Variants in GNA14 observed in about 807,000 individuals in gnomAD.
GNA14 encodes G protein subunit alpha 14.
GNA14 carries 50 observed loss-of-function variants against 42.0 expected under a neutral mutation model. The observed-to-expected ratio is 1.19, with a 90% CI of 0.95 to 1.51. The LOEUF (loss-of-function observed/expected upper bound fraction) is 1.51. GNA14 is among the 40% of genes most tolerant of loss of function. GNA14 has a pLI of 0.00. For missense variants in GNA14, 473 were observed against 446.2 expected (o/e 1.06, Z -0.54); for synonymous variants, 173 against 163.1 (o/e 1.06, Z -0.46).
chr9:77,595,948 C>T (rs534844809), intron 1 of GNA14, among the ~76,000 whole-genome samples: 1 of 152,014 alleles, frequency 6.6e-6, no homozygotes, highest in Admixed American at 6.5e-5. Context: ...CTACATTTGT[C>T]TCCCAGGATA....
At chr9:77,489,071 CAG>C (rs1391185725) in intron 2 of GNA14, among the ~76,000 whole-genome samples, 4 of 151,894 alleles carry the variant, frequency 2.6e-5, no homozygotes, top group Non-Finnish European at 5.9e-5. Flanking sequence ...AAATTGAACA[CAG>C]AGATTAAAAT....
At chr9:77,461,605 G>A (rs994384684) in intron 2 of GNA14, among the ~76,000 whole-genome samples, 8 of 152,072 alleles carry the variant, frequency 5.3e-5, no homozygotes, top group Non-Finnish European at 1.2e-4. Context: ...CCTATACCAT[G>A]ATCCTATATC....
chr9:77,486,030 G>A (rs1021993127), intron 2 of GNA14, among the ~76,000 whole-genome samples: 2 of 152,152 alleles, frequency 1.3e-5, no homozygotes, highest in African/African-American at 4.8e-5. Flanking sequence ...GTCCTTTGAA[G>A]CACTGAACCC....
chr9:77,602,304 C>T (rs1823579563), intron 1 of GNA14, among the ~76,000 whole-genome samples: 1 of 152,180 alleles, frequency 6.6e-6, no homozygotes, highest in Admixed American at 6.5e-5. Flanking sequence ...TCTGAAACTC[C>T]TCCACACTAT....
At chr9:77,452,549 A>AGTGTGT (rs200313599) in intron 2 of GNA14, among the ~76,000 whole-genome samples, 133 of 55,206 alleles carry the variant, frequency 2.4e-3, no homozygotes, top group Middle Eastern at 0.014. Flanking sequence ...ACTGCACACA[A>AGTGTGT]GTGTGTGTGT....
At chr9:77,610,783 G>A (rs1823717706) in intron 1 of GNA14, among the ~76,000 whole-genome samples, 1 of 152,062 alleles carries the variant, frequency 6.6e-6, no homozygotes, top group Admixed American at 6.6e-5. Flanking sequence ...AGAAGAACAA[G>A]AATCACCTAT....
chr9:77,614,976 G>C (rs1194739048), intron 1 of GNA14, among the ~76,000 whole-genome samples: 1 of 152,146 alleles, frequency 6.6e-6, no homozygotes, highest in Non-Finnish European at 1.5e-5. Flanking sequence ...CCTCCTAAAG[G>C]GTTATGAACT....
In GNA14 at chr9:77,598,569, C is replaced by G. The variant is rs539671615; in HGVS notation, c.124+49101G>C. Among the ~76,000 whole-genome samples, 7 of 152,258 alleles carry G rather than the reference C, an allele frequency of 4.6e-5. 1 individual carries two copies. The South Asian group carries it at 1.5e-3, about 32-fold the overall frequency. On this transcript the variant is annotated intron_variant, in intron 1 of 6. Coordinates refer to ENST00000341700, the MANE Select transcript of GNA14 (RefSeq NM_004297.4). The stretch of plus-strand genomic sequence containing the variant: ...CTGCTCATGAACACATCAGAGAAAA[C>G]ATAAGACGCAACTTTCCCTCAAATC...
rs986416221 is a variant in GNA14 at position 77,519,384 on chromosome 9, C to T, written c.309+9685G>A. 9.9e-5 allele frequency among the ~76,000 whole-genome samples: 15 copies of T among 152,056 alleles called. No individual in the cohort carries two copies. The East Asian group carries it at 1.2e-3, about 12-fold the overall frequency. On this transcript the variant is annotated intron_variant, in intron 2 of 6. Coordinates refer to ENST00000341700, the MANE Select transcript of GNA14 (RefSeq NM_004297.4). ...CGAGATTGCGCCACTACACTCCAGC[C>T]TGGGTGACACGGCGAGACTCTGCCT...
chr9:77,606,448 A>G (rs1298137675), intron 1 of GNA14, among the ~76,000 whole-genome samples: 1 of 152,122 alleles, frequency 6.6e-6, no homozygotes, highest in Non-Finnish European at 1.5e-5. Context: ...CCAGAATCTC[A>G]CCCTCTTGGA....
intron 1 of GNA14, among the ~76,000 whole-genome samples, chr9:77,647,414 G>A (rs145126896): frequency 4.6e-5 from 7 of 152,312 alleles, no homozygotes; most frequent in Non-Finnish European, 1.0e-4. Flanking sequence ...CAGCGGTCAA[G>A]AGGTTAAGTG....
intron 1 of GNA14, among the ~76,000 whole-genome samples, chr9:77,531,762 A>G (rs924261593): frequency 3.9e-5 from 6 of 152,214 alleles, no homozygotes; most frequent in African/African-American, 1.4e-4. Context: ...CAATGTTATT[A>G]ATAGTTAAAG....
intron 2 of GNA14, among the ~76,000 whole-genome samples, chr9:77,516,074 G>T (rs543934738): frequency 1.0e-3 from 152 of 150,392 alleles, no homozygotes; most frequent in African/African-American, 3.6e-3. Context: ...TGACCCGCAA[G>T]CAGAGAGTCA....
intron 1 of GNA14, among the ~76,000 whole-genome samples, chr9:77,642,872 T>C (rs142464765): frequency 1.3e-5 from 2 of 152,276 alleles, no homozygotes; most frequent in African/African-American, 4.8e-5. Context: ...CCATTTACTG[T>C]CCTCAGAAAT....
chr9:77,503,087 C>T (rs1028763042), intron 2 of GNA14, among the ~76,000 whole-genome samples: 2 of 152,134 alleles, frequency 1.3e-5, no homozygotes, highest in African/African-American at 2.4e-5. Context: ...TTCTTTCCAC[C>T]CTTCAGAGTC....
At chr9:77,433,838 C>T (rs188669636) in intron 3 of GNA14, among the ~76,000 whole-genome samples, 5 of 152,284 alleles carry the variant, frequency 3.3e-5, no homozygotes, top group East Asian at 1.9e-4. Flanking sequence ...GTGTGTGCTG[C>T]GAGCGCAGCC....
chr9:77,521,343 G>A lies in GNA14; in HGVS notation c.309+7726C>T, dbSNP rs1011871566. ...TTGGCCTCTGTGTTCCCAAAGGTTC[G>A]TGCAGAATCTGAATTTTTCAAATTG... is the stretch of plus-strand genomic sequence containing the variant. On this transcript the variant is annotated intron_variant, in intron 2 of 6. Transcript: ENST00000341700. Among the ~76,000 whole-genome samples, 4 of 152,126 alleles carry A rather than the reference G, an allele frequency of 2.6e-5. No homozygotes were observed. In the East Asian group the frequency reaches 7.7e-4, roughly 29 times the overall value.
At chr9:77,546,592 C>G (rs1837723226) in intron 1 of GNA14, among the ~76,000 whole-genome samples, 1 of 152,132 alleles carries the variant, frequency 6.6e-6, no homozygotes, top group South Asian at 2.1e-4. Flanking sequence ...AAAGGTCAAT[C>G]CCCCAGATTT....
intron 2 of GNA14, among the ~76,000 whole-genome samples, chr9:77,511,067 A>C (rs11145451): frequency 0.2 from 29,576 of 151,316 alleles, 3,129 homozygotes; most frequent in East Asian, 0.4. Context: ...AAAAAAAAAA[A>C]AGTTTTTATT....
Sources: allele counts gnomAD v4.1 joint callset (sites outside exome capture counted in the v4.1 genomes callset), GRCh38; gene constraint gnomAD v4.1.1; transcripts MANE v1.5; gene names NCBI Gene and HGNC (gene_info 2026-07-23, HGNC 2026-07-21).